The following KPNA2 variants were observed in gnomAD, a reference collection of about 807,000 sequenced individuals.
The protein encoded by KPNA2 is karyopherin subunit alpha 2.
Under a neutral mutation model 53.7 loss-of-function variants are expected in KPNA2, and 20 were observed. That is an observed-to-expected ratio of 0.37 (90% confidence interval 0.26 to 0.54). The LOEUF is 0.54. Among genes scored for constraint, KPNA2 ranks in the 20% least tolerant of loss-of-function variants. The pLI is 0.83. For synonymous variants in KPNA2, 238 were observed against 227.5 expected (o/e 1.05, Z -0.42); for missense variants, 515 against 640.3 (o/e 0.80, Z 2.11).
At position 68,045,769 on chromosome 17, in the gene KPNA2, T is replaced by TTA; in HGVS notation, c.1348-3_1348-2insTA. 3 of 1,520,358 alleles carry TTA rather than the reference T, an allele frequency of 2.0e-6. No individual in the cohort carries two copies. Among genetic ancestry groups the TTA allele is most frequent in the South Asian group, 2.5e-5 (2 of 79,412 alleles). The allele number at this position is 1,520,358 out of a possible 1,614,324, so 94.2% of individuals were successfully genotyped here. ...AGTAAACTTGGATTTTTTTTTTTTT[T>TTA]AGGCTGCTGAGAAACTAGGTGAAAC... On this transcript the variant is annotated splice_region_variant and splice_polypyrimidine_tract_variant and intron_variant, in intron 9 of 10. Transcript: ENST00000330459.
intron 3 of KPNA2, among the ~76,000 whole-genome samples, chr17:68,039,183 C>T (rs968774237): frequency 6.6e-6 from 1 of 151,860 alleles, no homozygotes; most frequent in East Asian, 2.0e-4. Flanking sequence ...TGCAGTGGTA[C>T]GATCTTGGCT....
intron 4 of KPNA2, 53 bp from the exon 5 acceptor site, chr17:68,042,032 A>G: frequency 6.7e-7 from 1 of 1,484,502 alleles, no homozygotes; most frequent in East Asian, 2.3e-5. Context: ...TTTTACACAA[A>G]CTCCTTTTGT....
intron 5 of KPNA2, 38 bp downstream of exon 5, chr17:68,042,391 A>G (rs2071271080): frequency 2.5e-6 from 4 of 1,594,690 alleles, no homozygotes; most frequent in Non-Finnish European, 3.4e-6. Flanking sequence ...GAATGTATCT[A>G]ATCGTAATTA....
intron 1 of KPNA2, chr17:68,036,307 C>T (rs2071189400): frequency 1.3e-5 from 2 of 152,244 alleles, no homozygotes; most frequent in South Asian, 4.1e-4. Context: ...AGGGCTTTGA[C>T]TTTTGTCATC....
At chr17:68,036,111 T>C (rs1470203626) in intron 1 of KPNA2, 1 of 152,270 alleles carries the variant, frequency 6.6e-6, no homozygotes, top group Non-Finnish European at 1.5e-5. Flanking sequence ...TGAGGGCGAA[T>C]GTCCCGGGAG....
chr17:68,045,117 C>T (rs1184034748), intron 9 of KPNA2, among the ~76,000 whole-genome samples: 2 of 151,506 alleles, frequency 1.3e-5, no homozygotes, highest in Admixed American at 1.3e-4. Flanking sequence ...AAAGTTGAGC[C>T]TTCAATAATG....
At chr17:68,040,447 A>C (rs2071246141) in intron 3 of KPNA2, among the ~76,000 whole-genome samples, 1 of 152,044 alleles carries the variant, frequency 6.6e-6, no homozygotes, top group South Asian at 2.1e-4. Context: ...GCGACAAAAC[A>C]CTTGGATACT....
At chr17:68,045,685 C>A in intron 9 of KPNA2, 87 bp from the exon 10 acceptor site, 1 of 961,448 alleles carries the variant, frequency 1.0e-6, no homozygotes, top group Non-Finnish European at 1.5e-6. Flanking sequence ...TTCTGCCTGA[C>A]GTATCAATAT....
intron 1 of KPNA2, 115 bp downstream of exon 1, chr17:68,035,955 C>G (rs2071184062): frequency 6.6e-6 from 1 of 152,228 alleles, no homozygotes; most frequent in Non-Finnish European, 1.5e-5. Flanking sequence ...GGCTCTGCCT[C>G]CCGCGTTGAC....
chr17:68,042,519 G>A (rs1176371967), intron 5 of KPNA2, among the ~76,000 whole-genome samples, 166 bp downstream of exon 5: 1 of 152,226 alleles, frequency 6.6e-6, no homozygotes, highest in African/African-American at 2.4e-5. Context: ...GGCCATCTAA[G>A]TAAGTTTGGG....
intron 3 of KPNA2, among the ~76,000 whole-genome samples, chr17:68,039,644 GTGGCGCATGCC>G (rs2071230928): frequency 6.7e-6 from 1 of 150,314 alleles, no homozygotes; most frequent in Admixed American, 6.7e-5. Context: ...GCTGGGCATC[GTGGCGCATGCC>G]TGTAATCCCA....
intron 5 of KPNA2, 104 bp downstream of exon 5, chr17:68,042,457 C>T: frequency 1.7e-6 from 2 of 1,175,676 alleles, no homozygotes; most frequent in Admixed American, 2.0e-5. Flanking sequence ...TTTGAGCTTG[C>T]TTTCAAGCCC....
intron 10 of KPNA2, 103 bp downstream of exon 10, chr17:68,046,024 A>G: frequency 6.9e-6 from 5 of 721,266 alleles, no homozygotes; most frequent in Non-Finnish European, 6.5e-6. Flanking sequence ...TTTGTTAAAT[A>G]TAGTAAAATA....
At chr17:68,041,959 T>C in intron 4 of KPNA2, 126 bp from the exon 5 acceptor site, 1 of 761,268 alleles carries the variant, frequency 1.3e-6, no homozygotes, top group Non-Finnish European at 2.1e-6. Context: ...TGTCTCAGCA[T>C]TTAGTGATTT....
At chr17:68,042,397 A>G in intron 5 of KPNA2, 44 bp downstream of exon 5, 16 of 1,584,454 alleles carry the variant, frequency 1.0e-5, no homozygotes, top group Non-Finnish European at 1.3e-5. Context: ...ATCTAATCGT[A>G]ATTAGTTGGA....
At chr17:68,037,969 T>A (rs782068256) in intron 3 of KPNA2, among the ~76,000 whole-genome samples, 1 of 151,888 alleles carries the variant, frequency 6.6e-6, no homozygotes, top group Non-Finnish European at 1.5e-5. Context: ...TGGCTAGTTT[T>A]TGTATTTTTT....
chr17:68,038,347 A>G (rs1046735140), intron 3 of KPNA2, among the ~76,000 whole-genome samples: 2 of 152,028 alleles, frequency 1.3e-5, no homozygotes, highest in Non-Finnish European at 2.9e-5. Context: ...ACCTCGTGAT[A>G]TGCCTGCCTT....
At chr17:68,043,805 A>G in intron 7 of KPNA2, 33 bp from the exon 8 acceptor site, 1 of 1,369,584 alleles carries the variant, frequency 7.3e-7, no homozygotes, top group Non-Finnish European at 1.0e-6. Context: ...TGGGGAAAAA[A>G]TAACCAGCAT....
chr17:68,042,043 T>C (rs1239597038), intron 4 of KPNA2, 42 bp from the exon 5 acceptor site: 5 of 1,542,514 alleles, frequency 3.2e-6, no homozygotes, highest in Non-Finnish European at 3.6e-6. Context: ...CTCCTTTTGT[T>C]AATCACTGTC....
Sources: allele counts gnomAD v4.1 joint callset (sites outside exome capture counted in the v4.1 genomes callset), GRCh38; gene constraint gnomAD v4.1.1; transcripts MANE v1.5; gene names NCBI Gene and HGNC (gene_info 2026-07-23, HGNC 2026-07-21).